The following STPG1 variants were observed in gnomAD, a reference collection of about 807,000 sequenced individuals.
STPG1 encodes O(6)-methylguanine-induced apoptosis 2.
STPG1 carries 33 observed loss-of-function variants against 40.1 expected under a neutral mutation model. The observed-to-expected ratio is 0.82, with a 90% confidence interval of 0.62 to 1.10. The LOEUF is 1.10. STPG1 is among the 50% of genes least tolerant of loss of function. STPG1 has a pLI of 0.00. For missense variants in STPG1, 396 were observed against 415.1 expected (o/e 0.95, Z 0.40); for synonymous variants, 150 against 155.0 (o/e 0.97, Z 0.24).
chr1:24,392,036 G>A lies in STPG1; in HGVS notation c.71-357C>T, dbSNP rs190526718. 3.0e-3 allele frequency: 3,030 copies of A among 1,025,032 alleles called. 5 individuals carry two copies. The highest frequency in any genetic ancestry group is 5.4e-3 in the Middle Eastern group (11 of 2,046). The allele number at this position is 1,025,032 out of a possible 1,614,324, so 63.5% of individuals were successfully genotyped here. The stretch of plus-strand genomic sequence containing the variant: ...GAGCAGCCTGGACGAGGCGCGGTCA[G>A]GACAGAGGAAGCGTCCTCACTGCTC... On this transcript the variant is annotated intron_variant, in intron 2 of 8. Coordinates refer to ENST00000337248, the MANE Select transcript of STPG1 (RefSeq NM_001199013.2).
At chr1:24,403,430 G>A (rs1643300520) in intron 1 of STPG1, among the ~76,000 whole-genome samples, 1 of 151,840 alleles carries the variant, frequency 6.6e-6, no homozygotes, top group African/African-American at 2.4e-5. Flanking sequence ...AAATTATTTC[G>A]ACTATATTAG....
intron 5 of STPG1, among the ~76,000 whole-genome samples, chr1:24,376,661 C>T (rs1169566552): frequency 6.6e-6 from 1 of 152,112 alleles, no homozygotes; most frequent in South Asian, 2.1e-4. Flanking sequence ...AAGGAGTAGA[C>T]AGTGATTCGG....
At chr1:24,411,231 C>T (rs1173877644) in intron 1 of STPG1, among the ~76,000 whole-genome samples, 1 of 152,154 alleles carries the variant, frequency 6.6e-6, no homozygotes, top group Non-Finnish European at 1.5e-5. Flanking sequence ...GTATAATCCC[C>T]ACTTTTTACA....
At chr1:24,396,460 C>T (rs1476689889) in intron 2 of STPG1, among the ~76,000 whole-genome samples, 1 of 152,162 alleles carries the variant, frequency 6.6e-6, no homozygotes, top group Non-Finnish European at 1.5e-5. Flanking sequence ...CAAGTGTGAG[C>T]CACCATGCCT....
intron 7 of STPG1, chr1:24,364,554 G>A: frequency 1.9e-6 from 2 of 1,039,324 alleles, no homozygotes; most frequent in Non-Finnish European, 2.5e-6. Context: ...CAGCTTTGAG[G>A]CCCCTAGCCC....
chr1:24,358,489 C>A lies in STPG1; in HGVS notation c.*54G>T. 1 of 1,445,490 alleles carries A rather than the reference C, an allele frequency of 6.9e-7. No individual in the cohort carries two copies. The highest frequency in any genetic ancestry group is 9.7e-7 in the Non-Finnish European group (1 of 1,026,356). The allele number at this position is 1,445,490 out of a possible 1,614,324, so 89.5% of individuals were successfully genotyped here. On this transcript the variant is annotated 3_prime_UTR_variant, in exon 9 of 9. Transcript: ENST00000337248. The stretch of plus-strand genomic sequence containing the variant: ...CTCCTCCTGAGGAATGTCCTGGGGA[C>A]GCTGGGCAGGGTGGGCTGGTGGCTG...
chr1:24,374,274 T>C (rs1450044821), intron 5 of STPG1, among the ~76,000 whole-genome samples: 13 of 133,704 alleles, frequency 9.7e-5, no homozygotes, highest in Middle Eastern at 4.3e-3. Context: ...TTTTTTTTTT[T>C]CTGAGACAGA....
At chr1:24,404,844 AC>A (rs1307473244) in intron 1 of STPG1, among the ~76,000 whole-genome samples, 39 of 152,164 alleles carry the variant, frequency 2.6e-4, no homozygotes, top group Admixed American at 2.6e-3. Context: ...TCAGAAGAAA[AC>A]AGCATGTGGT....
At chr1:24,365,209 C>T (rs555259610) in intron 7 of STPG1, among the ~76,000 whole-genome samples, 7 of 152,202 alleles carry the variant, frequency 4.6e-5, no homozygotes, top group South Asian at 2.1e-4. Flanking sequence ...GTGGGGCCAA[C>T]GGGGCTTGAT....
At chr1:24,384,193 G>A (rs1642406893) in intron 3 of STPG1, among the ~76,000 whole-genome samples, 190 bp from the exon 4 acceptor site, 1 of 152,180 alleles carries the variant, frequency 6.6e-6, no homozygotes, top group African/African-American at 2.4e-5. Flanking sequence ...ACCAAGTGGT[G>A]GGGCTGGAAT....
rs1557426706 is a variant in STPG1 at position 24,358,427 on chromosome 1, A to C, written c.*116T>G. The C allele has an allele frequency of 4.5e-6, 4 of 879,822 alleles. No homozygotes were observed. The highest frequency in any genetic ancestry group is 7.8e-6 in the Non-Finnish European group (4 of 513,190). 54.5% of individuals were successfully genotyped at this position (879,822 alleles called of 1,614,324 possible). A position where few individuals can be genotyped will look rare whatever the true frequency, so the allele number is the denominator to read the frequency against. ...GATGCCAGGCCAGAGTGGTAGAGCC[A>C]CCCCCCAAGTTGTCAGCTGCCACAC... is the stretch of plus-strand genomic sequence containing the variant. On this transcript the variant is annotated 3_prime_UTR_variant, in exon 9 of 9. Coordinates refer to ENST00000337248, the MANE Select transcript of STPG1 (RefSeq NM_001199013.2).
intron 6 of STPG1, among the ~76,000 whole-genome samples, chr1:24,371,051 T>G (rs1641715258): frequency 6.6e-6 from 1 of 152,108 alleles, no homozygotes; most frequent in African/African-American, 2.4e-5. Context: ...TGTACAAAGC[T>G]TTAAGGAAGA....
At chr1:24,406,858 G>T (rs1183469550) in intron 1 of STPG1, among the ~76,000 whole-genome samples, 1 of 151,834 alleles carries the variant, frequency 6.6e-6, no homozygotes, top group Admixed American at 6.6e-5. Context: ...TTTTTATTAT[G>T]GTAAAATACA....
chr1:24,404,229 T>C (rs964111000), intron 1 of STPG1, among the ~76,000 whole-genome samples: 7 of 152,222 alleles, frequency 4.6e-5, no homozygotes, highest in East Asian at 1.9e-4. Flanking sequence ...TTGAATTACA[T>C]TGATTGATTT....
At chr1:24,379,922 C>T in intron 4 of STPG1, 99 bp from the exon 5 acceptor site, 1 of 1,201,338 alleles carries the variant, frequency 8.3e-7, no homozygotes, top group Non-Finnish European at 1.2e-6. Flanking sequence ...GGTCTAAATG[C>T]ATTTTATAAA....
At chr1:24,390,044 C>T (rs1182139335) in intron 3 of STPG1, among the ~76,000 whole-genome samples, 1 of 152,226 alleles carries the variant, frequency 6.6e-6, no homozygotes, top group Non-Finnish European at 1.5e-5. Context: ...TCACTCCATG[C>T]CTTGGCTCCG....
intron 7 of STPG1, among the ~76,000 whole-genome samples, chr1:24,363,358 T>A (rs912071410): frequency 1.3e-5 from 2 of 152,340 alleles, no homozygotes; most frequent in African/African-American, 4.8e-5. Context: ...GGGCCAGGCA[T>A]GCTTGGGAAT....
chr1:24,398,341 A>G (rs1643087957), intron 2 of STPG1, among the ~76,000 whole-genome samples: 2 of 152,136 alleles, frequency 1.3e-5, no homozygotes, highest in Admixed American at 1.3e-4. Flanking sequence ...AAACTTTGTT[A>G]ATCTGATAAA....
At chr1:24,362,738 C>T (rs907908812) in intron 7 of STPG1, among the ~76,000 whole-genome samples, 2 of 152,254 alleles carry the variant, frequency 1.3e-5, no homozygotes, top group African/African-American at 2.4e-5. Context: ...CAGGGGACAC[C>T]CCCCTGGTCA....
Sources: allele counts gnomAD v4.1 joint callset (sites outside exome capture counted in the v4.1 genomes callset), GRCh38; gene constraint gnomAD v4.1.1; transcripts MANE v1.5; gene names NCBI Gene and HGNC (gene_info 2026-07-23, HGNC 2026-07-21).